NOL10: variants seen among roughly 807,000 people sequenced by gnomAD.
NOL10 encodes the protein nucleolar protein 10, also known as H_NH0074G24.1.
Under a neutral mutation model 103.5 loss-of-function variants are expected in NOL10, and 58 were observed. That is an observed-to-expected ratio of 0.56 (90% CI 0.45 to 0.70). NOL10 has a LOEUF of 0.70. Ranked by LOEUF, NOL10 falls within the 30% of genes least tolerant of loss-of-function variation. The pLI is 0.00. For missense variants in NOL10, 763 were observed against 807.3 expected (o/e 0.95, Z 0.67); for synonymous variants, 287 against 282.5 (o/e 1.02, Z -0.16).
intron 8 of NOL10, among the ~76,000 whole-genome samples, chr2:10,663,607 G>A (rs1329334516): frequency 6.6e-6 from 1 of 151,954 alleles, no homozygotes; most frequent in East Asian, 1.9e-4. Flanking sequence ...CTTTTACAAA[G>A]ATGTGAACTT....
At position 10,571,881 on chromosome 2, in the gene NOL10, G is replaced by GT; in HGVS notation, c.*189dup. The GT allele has an allele frequency of 1.7e-6, 1 of 600,298 alleles. No individual in the cohort carries two copies. The highest frequency in any genetic ancestry group is 1.9e-5 in the African/African-American group (1 of 53,790). The allele number at this position is 600,298 out of a possible 1,614,324, so 37.2% of individuals were successfully genotyped here. On this transcript the variant is annotated 3_prime_UTR_variant, in exon 21 of 21. Coordinates refer to ENST00000381685, the MANE Select transcript of NOL10 (RefSeq NM_024894.4). ...GCAAGCACACCCCTGGGGCTGTGCG[G>GT]TGGCCGTCGGCGGGGCCAGCTTCAA... is the stretch of plus-strand genomic sequence containing the variant.
intron 2 of NOL10, 109 bp downstream of exon 2, chr2:10,684,458 A>T: frequency 1.2e-6 from 1 of 857,382 alleles, no homozygotes; most frequent in Non-Finnish European, 1.8e-6. Context: ...ATTTTCCACT[A>T]CATGTTACCG....
chr2:10,581,819 C>T (rs12617968), intron 19 of NOL10, among the ~76,000 whole-genome samples: 52,269 of 151,808 alleles, frequency 0.34, 9,411 homozygotes, highest in Non-Finnish European at 0.4. Context: ...AGACCCATCT[C>T]AAAAAATAAC....
At chr2:10,612,266 T>C (rs755104209) in intron 13 of NOL10, among the ~76,000 whole-genome samples, 1 of 152,146 alleles carries the variant, frequency 6.6e-6, no homozygotes, top group Non-Finnish European at 1.5e-5. Flanking sequence ...GATTACCAGA[T>C]AAATGGTTTT....
chr2:10,666,058 T>G (rs917618115), intron 8 of NOL10, among the ~76,000 whole-genome samples: 6 of 151,680 alleles, frequency 4.0e-5, no homozygotes, highest in Non-Finnish European at 8.8e-5. Context: ...CATCCAGTAA[T>G]CCCCAGTGTC....
intron 8 of NOL10, among the ~76,000 whole-genome samples, chr2:10,666,151 T>C (rs1303199391): frequency 6.6e-6 from 1 of 152,206 alleles, no homozygotes; most frequent in Non-Finnish European, 1.5e-5. Context: ...TGGTTTTCTG[T>C]TCCTGTCTTA....
intron 13 of NOL10, among the ~76,000 whole-genome samples, chr2:10,622,359 C>T (rs916201618): frequency 9.9e-5 from 15 of 152,032 alleles, no homozygotes; most frequent in Admixed American, 2.6e-4. Flanking sequence ...GTGTGTCATA[C>T]GTGACTTGAC....
intron 19 of NOL10, among the ~76,000 whole-genome samples, chr2:10,587,220 T>TATATATAC (rs1228692488): frequency 1.7e-5 from 1 of 59,310 alleles, no homozygotes; most frequent in Non-Finnish European, 2.9e-5. Context: ...TATATATACA[T>TATATATAC]ATATATACAT....
rs577001732 is a variant in NOL10 at position 10,620,663 on chromosome 2, T to C, written c.1027-13352A>G. ...AACAGTACTTAAGTAGAGTCTTAAGTATGCATAGTTTCCTCTGAGGTAATA... is the reference window on the plus strand; with the variant it reads ...AACAGTACTTAAGTAGAGTCTTAAGCATGCATAGTTTCCTCTGAGGTAATA... On this transcript the variant is annotated intron_variant, in intron 13 of 20. Transcript: ENST00000381685. 4.7e-4 allele frequency among the ~76,000 whole-genome samples: 71 copies of C among 152,348 alleles called. 2 individuals carry two copies. The South Asian group carries it at 0.015, about 31-fold the overall frequency.
chr2:10,651,760 C>G (rs149421006), intron 12 of NOL10, among the ~76,000 whole-genome samples: 1 of 152,276 alleles, frequency 6.6e-6, no homozygotes, highest in Non-Finnish European at 1.5e-5. Flanking sequence ...TAACCGAGAC[C>G]CTGGTGTAGG....
At chr2:10,632,273 A>G (rs1677899135) in intron 13 of NOL10, among the ~76,000 whole-genome samples, 1 of 152,240 alleles carries the variant, frequency 6.6e-6, no homozygotes, top group Non-Finnish European at 1.5e-5. Flanking sequence ...CAATGGGGAA[A>G]TATAGACGTA....
At chr2:10,578,355 A>G (rs963200809) in intron 19 of NOL10, among the ~76,000 whole-genome samples, 3 of 152,240 alleles carry the variant, frequency 2.0e-5, no homozygotes, top group Admixed American at 6.5e-5. Context: ...AAGCAATTAC[A>G]CTTTGGGTAA....
intron 3 of NOL10, among the ~76,000 whole-genome samples, chr2:10,677,980 C>T (rs1291462887): frequency 1.3e-5 from 2 of 151,082 alleles, no homozygotes; most frequent in Non-Finnish European, 2.9e-5. Context: ...CACACACACA[C>T]ATAATTTGAA....
At chr2:10,606,189 T>A (rs1052430809) in intron 14 of NOL10, among the ~76,000 whole-genome samples, 1 of 150,900 alleles carries the variant, frequency 6.6e-6, no homozygotes, top group Non-Finnish European at 1.5e-5. Context: ...AACTCTCAAG[T>A]TTACTACCAC....
rs70953315 is a variant in NOL10, at chr2:10,591,997, C to CACAA, written c.1423-2250_1423-2247dup. Among the ~76,000 whole-genome samples, 428 of 88,762 alleles carry CACAA rather than the reference C, an allele frequency of 4.8e-3. 4 individuals carry two copies. Among genetic ancestry groups the CACAA allele is most frequent in the Middle Eastern group, 0.029 (4 of 136 alleles). The allele number at this position is 88,762 out of a possible 152,430, so 58.2% of individuals were successfully genotyped here. On this transcript the variant is annotated intron_variant, in intron 17 of 20. Coordinates refer to ENST00000381685, the MANE Select transcript of NOL10 (RefSeq NM_024894.4). The stretch of plus-strand genomic sequence containing the variant: ...AGCCTGCGTAACAGAGAGACCTTGT[C>CACAA]ACAAACAAACAAACAAACAAACAAA...
chr2:10,610,103 T>C (rs1471100285), intron 13 of NOL10, among the ~76,000 whole-genome samples: 1 of 152,228 alleles, frequency 6.6e-6, no homozygotes, highest in African/African-American at 2.4e-5. Context: ...ACTGGGTATA[T>C]GAATACTTCT....
intron 13 of NOL10, among the ~76,000 whole-genome samples, chr2:10,636,440 A>C (rs993604485): frequency 3.9e-4 from 59 of 150,376 alleles, no homozygotes; most frequent in Non-Finnish European, 7.7e-4. Context: ...AAAAAAAAAA[A>C]AAAAAACACC....
At chr2:10,643,776 C>T (rs1374717400) in intron 13 of NOL10, among the ~76,000 whole-genome samples, 3 of 152,060 alleles carry the variant, frequency 2.0e-5, no homozygotes, top group African/African-American at 7.2e-5. Context: ...AAATGTAAAT[C>T]AGAAGAATAA....
At chr2:10,685,560 A>C (rs1212368461) in intron 1 of NOL10, among the ~76,000 whole-genome samples, 1 of 149,560 alleles carries the variant, frequency 6.7e-6, no homozygotes, top group Non-Finnish European at 1.5e-5. Flanking sequence ...AACGAAAATA[A>C]ATTTAACGGC....
Sources: gnomAD v4.1 joint callset for allele counts (sites outside exome capture counted in the v4.1 genomes callset) on GRCh38, gnomAD v4.1.1 for gene constraint, MANE v1.5 for transcripts, NCBI Gene and HGNC (gene_info 2026-07-23, HGNC 2026-07-21) for gene names.